The following FAM20B variants were observed in gnomAD, a reference collection of about 807,000 sequenced individuals.
FAM20B encodes the protein FAM20B glycosaminoglycan xylosylkinase.
Under a neutral mutation model 43.8 loss-of-function variants are expected in FAM20B, and 23 were observed. The observed-to-expected ratio is 0.53, with a 90% CI of 0.38 to 0.74. The LOEUF is 0.74. Ranked by LOEUF, FAM20B falls within the 30% of genes least tolerant of loss-of-function variation. FAM20B has a pLI of 0.00. For missense variants in FAM20B, 440 were observed against 510.5 expected, an observed-to-expected ratio of 0.86 and a Z score of 1.33; for synonymous variants, 178 against 192.4, an observed-to-expected ratio of 0.93 and a Z score of 0.62.
Position 179,054,592 on chromosome 1 carries a change from C to A in FAM20B, c.528C>A (p.Ile176=). 1 of 1,612,964 alleles carries A rather than the reference C, an allele frequency of 6.2e-7. No homozygotes were observed. The highest frequency in any genetic ancestry group is 1.1e-5 in the South Asian group (1 of 90,966). ...VGRFVNLRTE[I]KPVATEQLLS... ...GATTTGTTAATCTTCGGACAGAGATCAAACCTGTCGCCACAGAGCAGCTGT... is the reference window on the plus strand; with the variant it reads ...GATTTGTTAATCTTCGGACAGAGATAAAACCTGTCGCCACAGAGCAGCTGT... Residue 176 remains isoleucine, a synonymous_variant, in exon 4 of 8, where the codon ATC becomes ATA. Transcript: ENST00000263733.
rs1479862271 is a variant in FAM20B, at chr1:179,075,202, AAAG to A, written c.*3059_*3061del. 1 of 152,008 alleles carries A rather than the reference AAAG, an allele frequency of 6.6e-6. No homozygotes were observed. The highest frequency in any genetic ancestry group is 1.5e-5 in the Non-Finnish European group (1 of 67,968). 9.4% of individuals were successfully genotyped at this position (152,008 alleles called of 1,614,324 possible). ...GCGAGACTCTGTCTTAAAAAAAAAA[AAAG>A]GAGGTGAATTTTTTTTTAAGTTTTG... On this transcript the variant is annotated 3_prime_UTR_variant, in exon 8 of 8. Transcript: ENST00000263733.
chr1:179,071,711 T>A (rs12088051), intron 7 of FAM20B, among the ~76,000 whole-genome samples: 6,384 of 152,332 alleles, frequency 0.042, 480 homozygotes, highest in African/African-American at 0.15. Flanking sequence ...TCTCTGTATA[T>A]ATCTCTGATT....
chr1:179,048,014 T>C (rs1320602001), intron 2 of FAM20B, among the ~76,000 whole-genome samples: 1 of 152,176 alleles, frequency 6.6e-6, no homozygotes, highest in South Asian at 2.1e-4. Flanking sequence ...GTGTGTGCAG[T>C]ATAGGTAGAT....
At chr1:179,041,336 A>T (rs1349133992) in intron 1 of FAM20B, among the ~76,000 whole-genome samples, 1 of 152,148 alleles carries the variant, frequency 6.6e-6, no homozygotes, top group Non-Finnish European at 1.5e-5. Flanking sequence ...GCGAGCCGAG[A>T]TCACGCCACT....
chr1:179,026,802 T>C (rs1050656190), intron 1 of FAM20B, among the ~76,000 whole-genome samples: 5 of 152,212 alleles, frequency 3.3e-5, no homozygotes, highest in Admixed American at 3.3e-4. Context: ...ATGATGAATG[T>C]GAATAGTTGT....
intron 1 of FAM20B, among the ~76,000 whole-genome samples, chr1:179,042,047 C>T (rs1196817708): frequency 3.3e-5 from 5 of 152,094 alleles, no homozygotes; most frequent in Non-Finnish European, 5.9e-5. Flanking sequence ...GTGGTTCTTG[C>T]TTATTAGTGT....
chr1:179,052,201 A>G lies in FAM20B; in HGVS notation c.464+1836A>G, dbSNP rs543784625. ...GTTTATACAAATATTAATGGTCTTA[A>G]TATGTGTTTATACAAACATATGTAT... On this transcript the variant is annotated intron_variant, in intron 3 of 7. Transcript: ENST00000263733. Among the ~76,000 whole-genome samples the G allele has an allele frequency of 2.6e-5, 4 of 152,336 alleles. No individual in the cohort carries two copies. In the East Asian group the frequency reaches 7.7e-4, roughly 29 times the overall value.
intron 7 of FAM20B, among the ~76,000 whole-genome samples, chr1:179,067,632 G>GT (rs1169198717): frequency 1.3e-5 from 2 of 151,662 alleles, no homozygotes; most frequent in Admixed American, 6.6e-5. Flanking sequence ...ATAATAATTG[G>GT]TTTTTTTAAA....
chr1:179,056,676 C>T (rs989033005), intron 4 of FAM20B, among the ~76,000 whole-genome samples: 10 of 152,198 alleles, frequency 6.6e-5, no homozygotes, highest in Non-Finnish European at 2.9e-5. Context: ...ATTTCTGGAT[C>T]ATATAGTAAG....
chr1:179,024,414 G>A (rs1485881644), upstream of FAM20B, among the ~76,000 whole-genome samples: 2 of 152,220 alleles, frequency 1.3e-5, no homozygotes, highest in Admixed American at 1.3e-4. Flanking sequence ...AGGAACTGTT[G>A]ATTTACCCTT....
At chr1:179,061,203 C>T (rs1051736409) in intron 4 of FAM20B, among the ~76,000 whole-genome samples, 6 of 151,376 alleles carry the variant, frequency 4.0e-5, no homozygotes, top group African/African-American at 1.5e-4. Flanking sequence ...CTCAGCCTTC[C>T]GAGTATTTGG....
chr1:179,029,481 C>G (rs1363188275), intron 1 of FAM20B, among the ~76,000 whole-genome samples: 3 of 152,198 alleles, frequency 2.0e-5, no homozygotes, highest in Non-Finnish European at 4.4e-5. Flanking sequence ...AGAAGAAATG[C>G]CTAGCTTGGG....
At chr1:179,030,994 T>A (rs1273541633) in intron 1 of FAM20B, among the ~76,000 whole-genome samples, 1 of 152,112 alleles carries the variant, frequency 6.6e-6, no homozygotes, top group Non-Finnish European at 1.5e-5. Flanking sequence ...TGTTTGAGGT[T>A]CTCCTGCTTC....
chr1:179,028,168 A>G lies in FAM20B; in HGVS notation c.-134+2070A>G, dbSNP rs538533337. ...CATTAGTGTAAAACCCTAAAGCCAG[A>G]TACTTCAGCTGTTGAATTGATAACT... On this transcript the variant is annotated intron_variant, in intron 1 of 7. Transcript: ENST00000263733. 2.3e-4 allele frequency among the ~76,000 whole-genome samples: 35 copies of G among 152,342 alleles called. No homozygotes were observed. In the South Asian group the frequency reaches 2.7e-3, roughly 12 times the overall value.
intron 7 of FAM20B, among the ~76,000 whole-genome samples, chr1:179,071,157 G>A (rs757384721): frequency 1.1e-4 from 16 of 151,986 alleles, no homozygotes; most frequent in African/African-American, 3.4e-4. Context: ...TTAGCCGGGC[G>A]TGGTGGCGGG....
At chr1:179,026,668 C>T (rs889283326) in intron 1 of FAM20B, among the ~76,000 whole-genome samples, 2 of 152,232 alleles carry the variant, frequency 1.3e-5, no homozygotes, top group Admixed American at 1.3e-4. Context: ...GGGTCCTGCG[C>T]CGGGCGCTCG....
the FAM20B span, among the ~76,000 whole-genome samples, chr1:179,017,489 T>C: frequency 0.38 from 58,213 of 152,126 alleles, 11,311 homozygotes; most frequent in Middle Eastern, 0.45. Flanking sequence ...TGCATTTACT[T>C]GTGAATTGCC....
intron 2 of FAM20B, among the ~76,000 whole-genome samples, chr1:179,045,904 C>A (rs1035245441): frequency 1.7e-4 from 26 of 150,884 alleles, no homozygotes; most frequent in Admixed American, 6.0e-4. Context: ...AAAAAAAAAA[C>A]CAAAAAACAA....
intron 1 of FAM20B, among the ~76,000 whole-genome samples, chr1:179,028,262 G>A (rs1407506520): frequency 6.6e-6 from 1 of 152,184 alleles, no homozygotes; most frequent in African/African-American, 2.4e-5. Context: ...AAGCAGGAGG[G>A]CGTTCTTTGT....
Sources: gnomAD v4.1 joint callset for allele counts (sites outside exome capture counted in the v4.1 genomes callset) on GRCh38, gnomAD v4.1.1 for gene constraint, MANE v1.5 for transcripts, NCBI Gene and HGNC (gene_info 2026-07-23, HGNC 2026-07-21) for gene names.